Variants in NRXN1 observed in about 807,000 individuals in gnomAD.
The protein encoded by NRXN1 is neurexin-1.
NRXN1 carries 39 observed loss-of-function variants against 150.9 expected under a neutral mutation model. That is an observed-to-expected ratio of 0.26 (90% confidence interval 0.20 to 0.34). NRXN1 has a LOEUF of 0.34. Ranked by LOEUF, NRXN1 falls within the 10% of genes least tolerant of loss-of-function variation. NRXN1 has a pLI of 1.00. For missense variants in NRXN1, 1,815 were observed against 1,949.9 expected, an observed-to-expected ratio of 0.93 and a Z score of 1.30; for synonymous variants, 924 against 757.0, an observed-to-expected ratio of 1.22 and a Z score of -3.62.
chr2:50,874,197 T>C (rs984846012), intron 5 of NRXN1, among the ~76,000 whole-genome samples: 3 of 151,900 alleles, frequency 2.0e-5, no homozygotes, highest in African/African-American at 4.8e-5. Flanking sequence ...AGATGCCATC[T>C]TGATTTAGGA....
At chr2:50,162,233 T>A (rs1488353701) in intron 18 of NRXN1, among the ~76,000 whole-genome samples, 1 of 152,142 alleles carries the variant, frequency 6.6e-6, no homozygotes, top group African/African-American at 2.4e-5. Context: ...GCGTTTTATA[T>A]AGTGTTAAGG....
intron 22 of NRXN1, among the ~76,000 whole-genome samples, chr2:49,922,862 A>ATAAG: frequency 6.6e-6 from 1 of 152,310 alleles, no homozygotes; most frequent in East Asian, 1.9e-4. Flanking sequence ...ATTTGTTTAC[A>ATAAG]TAAGTATGTG....
chr2:50,456,909 T>C (rs1410160869), intron 17 of NRXN1, among the ~76,000 whole-genome samples: 1 of 152,172 alleles, frequency 6.6e-6, no homozygotes, highest in Non-Finnish European at 1.5e-5. Context: ...ATTAACATAA[T>C]AAATCATTTG....
At chr2:50,069,847 GTT>G (rs1244777512) in intron 19 of NRXN1, among the ~76,000 whole-genome samples, 4 of 63,846 alleles carry the variant, frequency 6.3e-5, no homozygotes, top group Non-Finnish European at 1.1e-4. Flanking sequence ...GATTTTGGGG[GTT>G]TTTTTTTTTT....
intron 5 of NRXN1, among the ~76,000 whole-genome samples, chr2:50,897,649 A>G (rs1241617903): frequency 6.6e-6 from 1 of 152,236 alleles, no homozygotes; most frequent in East Asian, 1.9e-4. Flanking sequence ...GCAGAAATGA[A>G]GAAGCCACAC....
At chr2:50,260,173 C>T (rs1352641120) in intron 17 of NRXN1, among the ~76,000 whole-genome samples, 1 of 151,812 alleles carries the variant, frequency 6.6e-6, no homozygotes, top group African/African-American at 2.4e-5. Context: ...ACCCCTCTGT[C>T]TCTTAGAACA....
intron 21 of NRXN1, among the ~76,000 whole-genome samples, chr2:49,977,269 T>C (rs1573176588): frequency 2.0e-5 from 3 of 152,064 alleles, no homozygotes; most frequent in Admixed American, 2.0e-4. Flanking sequence ...GATGGTGATT[T>C]TGCTCCATCC....
chr2:50,283,077 G>A (rs2071669764), intron 17 of NRXN1, among the ~76,000 whole-genome samples: 3 of 152,130 alleles, frequency 2.0e-5, no homozygotes, highest in South Asian at 4.1e-4. Context: ...AAGGAACACT[G>A]TATGCCTTCT....
At chr2:50,090,299 CT>C (rs1699386379) in intron 19 of NRXN1, among the ~76,000 whole-genome samples, 1 of 152,092 alleles carries the variant, frequency 6.6e-6, no homozygotes, top group Admixed American at 6.6e-5. Context: ...CATTAAATTA[CT>C]TCTTTCAAGA....
chr2:50,451,497 G>A (rs1391170700), intron 17 of NRXN1, among the ~76,000 whole-genome samples: 1 of 152,104 alleles, frequency 6.6e-6, no homozygotes. Context: ...TGTACAGGAG[G>A]CAGACCTGCA....
chr2:49,985,080 T>C (rs1030322791), intron 21 of NRXN1, among the ~76,000 whole-genome samples: 2 of 152,190 alleles, frequency 1.3e-5, no homozygotes, highest in Non-Finnish European at 2.9e-5. Flanking sequence ...TTGAGCTAGT[T>C]AGTTCAACTT....
At chr2:50,421,870 G>C (rs531674224) in intron 17 of NRXN1, among the ~76,000 whole-genome samples, 1 of 152,120 alleles carries the variant, frequency 6.6e-6, no homozygotes, top group Non-Finnish European at 1.5e-5. Context: ...CAAATGATTT[G>C]GGATAGTCAA....
At chr2:50,088,004 A>C (rs1245476292) in intron 19 of NRXN1, among the ~76,000 whole-genome samples, 1 of 152,176 alleles carries the variant, frequency 6.6e-6, no homozygotes, top group Non-Finnish European at 1.5e-5. Context: ...GGCACTTTAA[A>C]GGAACCATAT....
In NRXN1 at chr2:50,771,318, T is replaced by C. The variant is rs184570230; in HGVS notation, c.833-147703A>G. ...AAAATCATAACACTATTCAACTGCTTGAGAACTTACAATAAAAAAAAATAA... is the reference window on the plus strand; with the variant it reads ...AAAATCATAACACTATTCAACTGCTCGAGAACTTACAATAAAAAAAAATAA... On this transcript the variant is annotated intron_variant, in intron 5 of 22. Coordinates refer to ENST00000401669, the MANE Select transcript of NRXN1 (RefSeq NM_001330078.2). 1.7e-3 allele frequency among the ~76,000 whole-genome samples: 253 copies of C among 152,194 alleles called. 1 individual carries two copies. The highest frequency in any genetic ancestry group is 5.9e-3 in the African/African-American group (244 of 41,556).
chr2:50,549,127 T>G (rs185248992), intron 9 of NRXN1, among the ~76,000 whole-genome samples: 3 of 152,208 alleles, frequency 2.0e-5, no homozygotes, highest in Admixed American at 2.0e-4. Flanking sequence ...TTCATGAAAT[T>G]TCCATGTTTC....
intron 5 of NRXN1, among the ~76,000 whole-genome samples, chr2:50,898,949 A>G (rs976799856): frequency 6.6e-6 from 1 of 151,956 alleles, no homozygotes; most frequent in Non-Finnish European, 1.5e-5. Context: ...CCGACAGATT[A>G]AAAATTATTT....
intron 18 of NRXN1, among the ~76,000 whole-genome samples, chr2:50,187,051 C>A (rs1335275619): frequency 2.0e-5 from 3 of 151,986 alleles, no homozygotes; most frequent in African/African-American, 7.2e-5. Context: ...ACTAAAACAA[C>A]ATAAAATCAT....
chr2:50,835,983 T>A (rs1205840835), intron 5 of NRXN1, among the ~76,000 whole-genome samples: 2 of 152,218 alleles, frequency 1.3e-5, no homozygotes, highest in Non-Finnish European at 2.9e-5. Context: ...TAATTAGAAT[T>A]TTCAAATATC....
intron 21 of NRXN1, among the ~76,000 whole-genome samples, chr2:49,957,663 T>C (rs1675219082): frequency 1.3e-5 from 2 of 152,186 alleles, no homozygotes; most frequent in Admixed American, 6.5e-5. Context: ...AGCTACACGA[T>C]GTAATCAAGC....
Sources: allele counts gnomAD v4.1 joint callset (sites outside exome capture counted in the v4.1 genomes callset), GRCh38; gene constraint gnomAD v4.1.1; transcripts MANE v1.5; gene names NCBI Gene and HGNC (gene_info 2026-07-23, HGNC 2026-07-21).